RSBN1L: variants seen among roughly 807,000 people sequenced by gnomAD.
RSBN1L encodes the protein round spermatid basic protein 1 like.
Under a neutral mutation model 67.7 loss-of-function variants are expected in RSBN1L, and 30 were observed. The ratio of observed to expected loss-of-function variants is 0.44; its 90% confidence interval spans 0.33 to 0.60. The LOEUF (loss-of-function observed/expected upper bound fraction) is 0.60. Among genes scored for constraint, RSBN1L ranks in the 20% least tolerant of loss-of-function variants. The pLI is 0.02. For missense variants in RSBN1L, 992 were observed against 1,031.7 expected (o/e 0.96, Z 0.53); for synonymous variants, 433 against 387.0 (o/e 1.12, Z -1.39).
intron 3 of RSBN1L, among the ~76,000 whole-genome samples, chr7:77,755,083 GAATTGGTTGAGACGACATT>G (rs1791600105): frequency 1.3e-5 from 2 of 152,166 alleles, no homozygotes; most frequent in African/African-American, 4.8e-5. Flanking sequence ...TTCACCAAAA[GAATTGGTTGAGACGACATT>G]AATTGAGCTA....
chr7:77,758,459 A>C (rs947616423), intron 3 of RSBN1L, among the ~76,000 whole-genome samples: 1 of 152,252 alleles, frequency 6.6e-6, no homozygotes. Flanking sequence ...TGAGGTGTCC[A>C]TCTCCACAAG....
intron 1 of RSBN1L, among the ~76,000 whole-genome samples, chr7:77,720,466 A>G (rs138596219): frequency 1.7e-3 from 265 of 152,192 alleles, no homozygotes; most frequent in African/African-American, 5.9e-3. Flanking sequence ...AGGCTGAGGC[A>G]GAGAATCGCT....
chr7:77,777,402 T>G (rs1257814674), intron 6 of RSBN1L, among the ~76,000 whole-genome samples: 1 of 152,222 alleles, frequency 6.6e-6, no homozygotes, highest in Middle Eastern at 3.4e-3. Flanking sequence ...AGAAATTCCT[T>G]TAGCAGTCTT....
chr7:77,773,920 C>A (rs1011037091), intron 6 of RSBN1L, among the ~76,000 whole-genome samples: 1 of 152,136 alleles, frequency 6.6e-6, no homozygotes, highest in African/African-American at 2.4e-5. Flanking sequence ...TTACAAATGT[C>A]ATTTAATTTT....
rs1031032587 is a variant in RSBN1L, at chr7:77,751,829, T to A, written c.1344+1765T>A. ...TATCATTCATTTGTCGTTTATTGCATGTCTCCTAAATGTCCGGTTTTCTAT... is the reference window on the plus strand; with the variant it reads ...TATCATTCATTTGTCGTTTATTGCAAGTCTCCTAAATGTCCGGTTTTCTAT... On this transcript the variant is annotated intron_variant, in intron 3 of 7. Coordinates refer to ENST00000334955, the MANE Select transcript of RSBN1L (RefSeq NM_198467.3). Among the ~76,000 whole-genome samples, 8 of 152,238 alleles carry A rather than the reference T, an allele frequency of 5.3e-5. 1 individual carries two copies. Among genetic ancestry groups the A allele is most frequent in the African/African-American group, 1.9e-4 (8 of 41,468 alleles).
chr7:77,759,208 T>G (rs1031423076), intron 3 of RSBN1L, among the ~76,000 whole-genome samples: 1 of 152,210 alleles, frequency 6.6e-6, no homozygotes, highest in African/African-American at 2.4e-5. Flanking sequence ...GAAACATTGC[T>G]TGCCTTTGTA....
intron 2 of RSBN1L, among the ~76,000 whole-genome samples, chr7:77,745,988 G>A (rs1424628812): frequency 1.3e-5 from 2 of 152,264 alleles, no homozygotes; most frequent in African/African-American, 4.8e-5. Context: ...AGGCAGTAAT[G>A]TGAGCAATGG....
chr7:77,709,529 A>G (rs1790945494), intron 1 of RSBN1L, among the ~76,000 whole-genome samples: 2 of 152,208 alleles, frequency 1.3e-5, no homozygotes, highest in South Asian at 2.1e-4. Flanking sequence ...ACCTCAGGTG[A>G]TCCACCCACC....
rs1056555176 is a variant in RSBN1L, at chr7:77,767,304, T to A, written c.1483-1357T>A. On this transcript the variant is annotated intron_variant, in intron 4 of 7. Transcript: ENST00000334955. ...TGTGTGGTGAAATTTTTTTTTTTTT[T>A]AATTTTGTTCTCAACATTCCATGGA... is the stretch of plus-strand genomic sequence containing the variant. 8.1e-5 allele frequency among the ~76,000 whole-genome samples: 11 copies of A among 135,456 alleles called. No individual in the cohort carries two copies. In the South Asian group the frequency reaches 1.4e-3, roughly 18 times the overall value. 88.9% of individuals were successfully genotyped at this position (135,456 alleles called of 152,430 possible).
At chr7:77,776,042 G>A (rs1255626952) in intron 6 of RSBN1L, among the ~76,000 whole-genome samples, 1 of 140,152 alleles carries the variant, frequency 7.1e-6, no homozygotes, top group African/African-American at 2.9e-5. Context: ...GGCGATTGAC[G>A]TGAGACTCCG....
chr7:77,724,927 C>T (rs1464006350), intron 1 of RSBN1L, among the ~76,000 whole-genome samples: 1 of 150,188 alleles, frequency 6.7e-6, no homozygotes, highest in Non-Finnish European at 1.5e-5. Flanking sequence ...ACTGCAACCT[C>T]CGCCTCCCGG....
At chr7:77,704,355 T>C (rs1023329023) in intron 1 of RSBN1L, among the ~76,000 whole-genome samples, 3 of 152,214 alleles carry the variant, frequency 2.0e-5, no homozygotes, top group African/African-American at 4.8e-5. Flanking sequence ...TATTGAAAAA[T>C]AATGATAAAC....
chr7:77,766,551 CA>C (rs1791768618), intron 4 of RSBN1L, among the ~76,000 whole-genome samples: 1 of 149,662 alleles, frequency 6.7e-6, no homozygotes, highest in East Asian at 2.0e-4. Flanking sequence ...TCTTGATTTT[CA>C]AAAAGTATTT....
intron 2 of RSBN1L, among the ~76,000 whole-genome samples, chr7:77,748,724 A>G (rs1464186808): frequency 1.3e-5 from 2 of 151,998 alleles, no homozygotes; most frequent in African/African-American, 2.4e-5. Flanking sequence ...ACCTCAAGCA[A>G]TCCACTCACC....
chr7:77,750,913 T>A (rs1791548733), intron 3 of RSBN1L, among the ~76,000 whole-genome samples: 2 of 152,110 alleles, frequency 1.3e-5, no homozygotes, highest in African/African-American at 4.8e-5. Context: ...GAGAGAGGAG[T>A]AAGGTATTGT....
rs1791988821 is a variant in RSBN1L at position 77,780,785 on chromosome 7, G to T, written c.*1617G>T. 6.6e-6 allele frequency: 1 copy of T among 152,206 alleles called. No homozygotes were observed. Among genetic ancestry groups the T allele is most frequent in the Non-Finnish European group, 1.5e-5 (1 of 68,038 alleles). 9.4% of individuals were successfully genotyped at this position (152,206 alleles called of 1,614,324 possible). ...AGAAATTAAATTGAGGTAGGAGACG[G>T]ATTGACAGTGCCTAACTAAAGATGA... On this transcript the variant is annotated 3_prime_UTR_variant, in exon 8 of 8. Transcript: ENST00000334955.
chr7:77,777,510 T>G (rs1265082928), intron 6 of RSBN1L, among the ~76,000 whole-genome samples: 3 of 152,076 alleles, frequency 2.0e-5, no homozygotes, highest in Non-Finnish European at 4.4e-5. Flanking sequence ...GGATATAGAA[T>G]TCTAGATTGA....
chr7:77,752,353 T>C (rs574336646), intron 3 of RSBN1L, among the ~76,000 whole-genome samples: 2 of 152,198 alleles, frequency 1.3e-5, no homozygotes, highest in Admixed American at 6.5e-5. Flanking sequence ...GCTTTAGACT[T>C]AAAGGCAGGA....
chr7:77,781,477 G>A lies in RSBN1L; in HGVS notation c.*2309G>A, dbSNP rs1268330567. ...GAATGATATATTTAACAAGAGTTGT[G>A]TTTTATTTCCAGTTTTCCAGTAGCA... On this transcript the variant is annotated 3_prime_UTR_variant, in exon 8 of 8. Transcript: ENST00000334955. 1 of 152,114 alleles carries A rather than the reference G, an allele frequency of 6.6e-6. No homozygotes were observed. The highest frequency in any genetic ancestry group is 1.5e-5 in the Non-Finnish European group (1 of 68,010). The allele number at this position is 152,114 out of a possible 1,614,324, so 9.4% of individuals were successfully genotyped here.
Sources: allele counts gnomAD v4.1 joint callset (sites outside exome capture counted in the v4.1 genomes callset), GRCh38; gene constraint gnomAD v4.1.1; transcripts MANE v1.5; gene names NCBI Gene and HGNC (gene_info 2026-07-23, HGNC 2026-07-21).